The following C16orf74 variants were observed in gnomAD, a reference collection of about 807,000 sequenced individuals.
The protein encoded by C16orf74 is uncharacterized protein C16orf74.
A neutral mutation model predicts 6.5 loss-of-function variants in C16orf74; 10 were observed. The observed-to-expected ratio is 1.54, with a 90% CI of 0.95 to 2.61. The LOEUF (loss-of-function observed/expected upper bound fraction) is 2.61. Ranked by LOEUF, C16orf74 falls within the 30% of genes most tolerant of loss-of-function variation. C16orf74 has a pLI of 0.00. For synonymous variants in C16orf74, 60 were observed against 42.5 expected (o/e 1.41, Z -1.60); for missense variants, 141 against 105.9 (o/e 1.33, Z -1.45).
chr16:85,737,062 A>G (rs1401241472), intron 1 of C16orf74, among the ~76,000 whole-genome samples: 1 of 152,060 alleles, frequency 6.6e-6, no homozygotes, highest in Non-Finnish European at 1.5e-5. Flanking sequence ...AAAAATGTAA[A>G]AAGGGGTGAG....
intron 2 of C16orf74, among the ~76,000 whole-genome samples, chr16:85,718,840 G>A (rs2054050705): frequency 6.6e-6 from 1 of 152,226 alleles, no homozygotes; most frequent in African/African-American, 2.4e-5. Context: ...CTTATTCATT[G>A]ATTCCTTCAA....
At chr16:85,749,905 A>G (rs907476337) in intron 1 of C16orf74, among the ~76,000 whole-genome samples, 1 of 152,174 alleles carries the variant, frequency 6.6e-6, no homozygotes, top group South Asian at 2.1e-4. Context: ...TTCCATAAAT[A>G]CACGGCCTCC....
intron 2 of C16orf74, among the ~76,000 whole-genome samples, chr16:85,732,665 CAAAAAAA>C (rs66539936): frequency 2.7e-4 from 12 of 44,170 alleles, no homozygotes; most frequent in South Asian, 1.7e-3. Flanking sequence ...GACTCTGTCT[CAAAAAAA>C]AAAAAAAAAA....
At chr16:85,727,440 C>A (rs866980269) in intron 2 of C16orf74, among the ~76,000 whole-genome samples, 1 of 152,176 alleles carries the variant, frequency 6.6e-6, no homozygotes, top group African/African-American at 2.4e-5. Flanking sequence ...GGAGGTATGA[C>A]AACTAAATAT....
chr16:85,708,234 C>T lies in C16orf74; in HGVS notation c.173-168G>A, dbSNP rs1301539040. On this transcript the variant is annotated intron_variant, in intron 3 of 3. Coordinates refer to ENST00000284245, the MANE Select transcript of C16orf74 (RefSeq NM_206967.3). Reference sequence around the variant, plus strand: ...TGATGCTGGATCCTTCTGGGTGAATCGGACCCCGGAACTGCTTCAGTTTAA... The same window carrying T: ...TGATGCTGGATCCTTCTGGGTGAATTGGACCCCGGAACTGCTTCAGTTTAA... 3.3e-5 allele frequency among the ~76,000 whole-genome samples: 5 copies of T among 152,278 alleles called. No homozygotes were observed. In the East Asian group the frequency reaches 5.8e-4, roughly 18 times the overall value.
At chr16:85,740,827 CAAAAA>C (rs57813380) in intron 1 of C16orf74, among the ~76,000 whole-genome samples, 3 of 97,900 alleles carry the variant, frequency 3.1e-5, no homozygotes, top group South Asian at 3.8e-4. Flanking sequence ...GTGAGACCCT[CAAAAA>C]AAAAAAAAAA....
intron 1 of C16orf74, among the ~76,000 whole-genome samples, chr16:85,745,842 AGT>A (rs777010062): frequency 2.0e-5 from 3 of 152,204 alleles, no homozygotes; most frequent in Non-Finnish European, 4.4e-5. Context: ...TGCTTTTCAA[AGT>A]GGGCTCCAAC....
intron 1 of C16orf74, among the ~76,000 whole-genome samples, chr16:85,749,920 A>G (rs1298622401): frequency 1.3e-5 from 2 of 152,198 alleles, no homozygotes; most frequent in Non-Finnish European, 2.9e-5. Context: ...GCCTCCTCCC[A>G]TCCACAGGAC....
At chr16:85,750,475 G>A (rs1280733431) in intron 1 of C16orf74, among the ~76,000 whole-genome samples, 1 of 152,204 alleles carries the variant, frequency 6.6e-6, no homozygotes, top group Non-Finnish European at 1.5e-5. Context: ...GCCCCTAAGT[G>A]AGGCAGTTCA....
intron 1 of C16orf74, among the ~76,000 whole-genome samples, chr16:85,744,936 G>A (rs2054356043): frequency 6.6e-6 from 1 of 151,432 alleles, no homozygotes; most frequent in African/African-American, 2.4e-5. Flanking sequence ...GAGGTTGGGA[G>A]TTCAAGACCA....
At chr16:85,741,609 G>A (rs1343661593) in intron 1 of C16orf74, 2 of 170,480 alleles carry the variant, frequency 1.2e-5, no homozygotes, top group East Asian at 1.9e-4. Context: ...ATCTCCCACA[G>A]TGTCCCTGAA....
intron 2 of C16orf74, among the ~76,000 whole-genome samples, chr16:85,717,794 G>A (rs916521543): frequency 2.6e-5 from 4 of 152,240 alleles, no homozygotes; most frequent in African/African-American, 9.6e-5. Context: ...AATACACAGA[G>A]CCTGGGGAGC....
chr16:85,711,255 G>T (rs1335368206), intron 2 of C16orf74, among the ~76,000 whole-genome samples: 2 of 147,268 alleles, frequency 1.4e-5, no homozygotes, highest in African/African-American at 5.0e-5. Context: ...GGCAGAGGTT[G>T]AAGTAGGCTG....
At chr16:85,746,788 G>A (rs552244706) in intron 1 of C16orf74, among the ~76,000 whole-genome samples, 38 of 152,322 alleles carry the variant, frequency 2.5e-4, no homozygotes, top group African/African-American at 8.4e-4. Context: ...GCGGGCAAGC[G>A]GGGCTCCCAG....
chr16:85,725,112 C>T (rs549499262), intron 2 of C16orf74, among the ~76,000 whole-genome samples: 5 of 152,300 alleles, frequency 3.3e-5, no homozygotes, highest in South Asian at 2.1e-4. Context: ...GAGGGGTGCC[C>T]GCTCTGCCCT....
intron 2 of C16orf74, among the ~76,000 whole-genome samples, chr16:85,713,030 T>C (rs1185775574): frequency 6.6e-6 from 1 of 152,166 alleles, no homozygotes; most frequent in Non-Finnish European, 1.5e-5. Flanking sequence ...CAAAGCACCG[T>C]CAACCAGGCG....
chr16:85,744,722 T>C (rs972155632), intron 1 of C16orf74, among the ~76,000 whole-genome samples: 5 of 144,950 alleles, frequency 3.4e-5, no homozygotes, highest in Admixed American at 2.9e-4. Context: ...CTCAGCTACT[T>C]GGGAGGCTGA....
At chr16:85,725,064 A>AT (rs1377087373) in intron 2 of C16orf74, among the ~76,000 whole-genome samples, 3 of 129,958 alleles carry the variant, frequency 2.3e-5, no homozygotes, top group Admixed American at 7.4e-5. Context: ...TGGGTGACTG[A>AT]TGGGGGGGGG....
At chr16:85,714,479 G>A (rs1247771400) in intron 2 of C16orf74, among the ~76,000 whole-genome samples, 1 of 151,760 alleles carries the variant, frequency 6.6e-6, no homozygotes, top group Non-Finnish European at 1.5e-5. Flanking sequence ...GAATGCAGTA[G>A]CGTGATCTCG....
Sources: allele counts gnomAD v4.1 joint callset (sites outside exome capture counted in the v4.1 genomes callset), GRCh38; gene constraint gnomAD v4.1.1; transcripts MANE v1.5; gene names NCBI Gene and HGNC (gene_info 2026-07-23, HGNC 2026-07-21).